The following KLHL29 variants were observed in gnomAD, a reference collection of about 807,000 sequenced individuals.
The protein encoded by KLHL29 is kelch-like protein 29.
A neutral mutation model predicts 80.4 loss-of-function variants in KLHL29; 21 were observed. The ratio of observed to expected loss-of-function variants is 0.26; its 90% confidence interval spans 0.19 to 0.38. The LOEUF is 0.38. Among genes scored for constraint, KLHL29 ranks in the 10% least tolerant of loss-of-function variants. The probability of loss-of-function intolerance (pLI) is 1.00; values close to 1 mark genes in which losing one functional copy is unlikely to be tolerated. For missense variants in KLHL29, 867 were observed against 1,223.9 expected, an observed-to-expected ratio of 0.71 and a Z score of 4.35; for synonymous variants, 511 against 526.8, an observed-to-expected ratio of 0.97 and a Z score of 0.41.
chr2:23,450,033 A>G (rs1663825035), intron 1 of KLHL29, among the ~76,000 whole-genome samples: 1 of 152,230 alleles, frequency 6.6e-6, no homozygotes, highest in African/African-American at 2.4e-5. Context: ...CTGCTTCTCA[A>G]CAAAGACAGT....
rs762670243 is a variant in KLHL29 at position 23,696,085 on chromosome 2, C to T, written c.1876C>T (p.Arg626Cys). 126 of 1,551,678 alleles carry T rather than the reference C, an allele frequency of 8.1e-5. No homozygotes were observed. Among genetic ancestry groups the T allele is most frequent in the Non-Finnish European group, 1.0e-4 (120 of 1,147,018 alleles). Residue 626 changes from arginine to cysteine, a missense_variant, in exon 10 of 14, where the codon CGC (arginine) becomes TGC (cysteine). Arg to Cys is a radical substitution (Grantham distance 180). This residue lies in a region of KLHL29 where 443 missense variants were observed against 767.0 expected (regional missense o/e 0.58). Transcript: ENST00000486442. This position sits in a 1 kb window ranked among gnomAD's most constrained non-coding sequence, Gnocchi z 5.5. Reference protein sequence around the residue: ...YPLASLPFYDREFFSVVSAGD... With the variant: ...YPLASLPFYDCEFFSVVSAGD... Reference sequence around the variant, plus strand: ...CTTGGCCTCGCTGCCCTTCTATGACCGCGAGTTCTTCAGTGTAGTGAGTGC... The same window carrying T: ...CTTGGCCTCGCTGCCCTTCTATGACTGCGAGTTCTTCAGTGTAGTGAGTGC...
chr2:23,561,975 C>G (rs1667457206), intron 2 of KLHL29, among the ~76,000 whole-genome samples, 177 bp from the exon 3 acceptor site: 1 of 152,128 alleles, frequency 6.6e-6, no homozygotes, highest in East Asian at 1.9e-4. Context: ...TTGTGTATTC[C>G]TTGTCTGTGA....
chr2:23,395,969 C>G (rs1666444047), intron 1 of KLHL29, among the ~76,000 whole-genome samples: 1 of 152,162 alleles, frequency 6.6e-6, no homozygotes, highest in Non-Finnish European at 1.5e-5. Context: ...TAAACAAAAA[C>G]CCAAAACCTG....
chr2:23,385,959 C>G (rs372231626), intron 1 of KLHL29, among the ~76,000 whole-genome samples, 179 bp downstream of exon 1: 1 of 151,998 alleles, frequency 6.6e-6, no homozygotes, highest in Admixed American at 6.5e-5. Flanking sequence ...GACTCGCAGG[C>G]TGCAGGAGCC....
At chr2:23,587,413 T>C (rs1179280642) in intron 3 of KLHL29, among the ~76,000 whole-genome samples, 1 of 152,096 alleles carries the variant, frequency 6.6e-6, no homozygotes, top group East Asian at 1.9e-4. Context: ...GATTTTGCCT[T>C]AGAGTCAGAG....
intron 1 of KLHL29, among the ~76,000 whole-genome samples, chr2:23,387,173 G>A (rs1276244442): frequency 1.3e-5 from 2 of 152,224 alleles, no homozygotes; most frequent in African/African-American, 4.8e-5. Flanking sequence ...CTCGGCGCTG[G>A]AGGGACCAGA....
chr2:23,547,116 C>G (rs574408578), intron 2 of KLHL29, among the ~76,000 whole-genome samples: 1 of 152,196 alleles, frequency 6.6e-6, no homozygotes, highest in African/African-American at 2.4e-5. Flanking sequence ...GGCACCGGGT[C>G]TCTGCACACG....
chr2:23,619,721 C>G (rs939341229), intron 3 of KLHL29, among the ~76,000 whole-genome samples: 1 of 152,082 alleles, frequency 6.6e-6, no homozygotes, highest in African/African-American at 2.4e-5. Context: ...GGAATTGCAC[C>G]AGGAAAAGAG....
At chr2:23,706,457 TC>T in intron 13 of KLHL29, 23 bp from the exon 14 acceptor site, 56 of 1,450,334 alleles carry the variant, frequency 3.9e-5, no homozygotes, top group Non-Finnish European at 5.1e-5. Context: ...AATGCCTAAC[TC>T]TGTCCCCGCT....
chr2:23,404,472 AAG>A, intron 1 of KLHL29, among the ~76,000 whole-genome samples: 1 of 152,374 alleles, frequency 6.6e-6, no homozygotes, highest in Non-Finnish European at 1.5e-5. Flanking sequence ...ATTTAAAAAA[AAG>A]AAATCCTTTA....
chr2:23,699,190 G>C (rs1472165677), intron 11 of KLHL29, among the ~76,000 whole-genome samples: 2 of 152,226 alleles, frequency 1.3e-5, no homozygotes, highest in South Asian at 2.1e-4. Context: ...TGGGAGGCCA[G>C]CTTCCTGGGC....
At chr2:23,482,856 CATTCATTCATT>C (rs1558354835) in intron 2 of KLHL29, among the ~76,000 whole-genome samples, 5 of 151,500 alleles carry the variant, frequency 3.3e-5, no homozygotes, top group Admixed American at 6.6e-5. Flanking sequence ...TTCATTCATT[CATTCATTCATT>C]CATCCATCAC....
rs1212404335 is a variant in KLHL29 at position 23,696,420 on chromosome 2, T to C, written c.2012T>C (p.Val671Ala). Residue 671 changes from valine (V) to alanine (A), a missense_variant, in exon 11 of 14, where the codon GTC becomes GCC. By Grantham distance (64) the Val-to-Ala change is moderately conservative. Transcript: ENST00000486442. The surrounding 1 kb of genome is among the most constrained non-coding windows in gnomAD (Gnocchi z 5.5). ...TGGAACCTCGTCTCCAGAATGACAG[T>C]CCCCCGCTGTCGGCACAATAGCCTC... Reference protein sequence around the residue: ...DNWNLVSRMTVPRCRHNSLVY... With the variant: ...DNWNLVSRMTAPRCRHNSLVY... 6.4e-6 allele frequency: 10 copies of C among 1,551,040 alleles called. No homozygotes were observed. The highest frequency in any genetic ancestry group is 7.8e-6 in the Non-Finnish European group (9 of 1,146,788).
At chr2:23,485,093 A>AC (rs1664896397) in intron 2 of KLHL29, among the ~76,000 whole-genome samples, 1 of 151,238 alleles carries the variant, frequency 6.6e-6, no homozygotes, top group Non-Finnish European at 1.5e-5. Flanking sequence ...GCTCATTCCC[A>AC]CCCCCAGTAC....
At chr2:23,629,773 T>G (rs1669421587) in intron 3 of KLHL29, among the ~76,000 whole-genome samples, 1 of 152,108 alleles carries the variant, frequency 6.6e-6, no homozygotes, top group South Asian at 2.1e-4. Flanking sequence ...GAAAGCTGGG[T>G]TCTATCAAAG....
intron 2 of KLHL29, among the ~76,000 whole-genome samples, chr2:23,520,709 A>T (rs1365203430): frequency 6.6e-6 from 1 of 152,218 alleles, no homozygotes; most frequent in East Asian, 1.9e-4. Flanking sequence ...TTCACAGTGG[A>T]TGAAAGTTTT....
chr2:23,693,350 C>T lies in KLHL29; in HGVS notation c.1364C>T (p.Ala455Val). ...AMQCSELYHM[A>V]KAFALQIFPE... ...CAGTGCAGCGAGCTCTACCACATGG[C>T]CAAGGCCTTCGCGCTGCAGATCTTC... The change falls in exon 8 of 14, where the codon GCC becomes GTC. Residue 455 changes from alanine to valine, a missense_variant. Ala to Val is a moderately conservative substitution (Grantham distance 64, BLOSUM62 0). This residue lies in a region of KLHL29 where 443 missense variants were observed against 767.0 expected (regional missense o/e 0.58). Coordinates refer to ENST00000486442, the MANE Select transcript of KLHL29 (RefSeq NM_052920.2). 6.4e-7 allele frequency: 1 copy of T among 1,551,632 alleles called. No individual in the cohort carries two copies. Among genetic ancestry groups the T allele is most frequent in the Non-Finnish European group, 8.7e-7 (1 of 1,146,992 alleles).
rs139448556 is a variant in KLHL29 at position 23,533,151 on chromosome 2, G to A, written c.-45-29001G>A. On this transcript the variant is annotated intron_variant, in intron 2 of 13. Transcript: ENST00000486442. ...TTTGGAGATATTGGGGGAGGAAAAG[G>A]TGTACACATACGGCAGGCCTGGGGG... Among the ~76,000 whole-genome samples, 249 of 152,208 alleles carry A rather than the reference G, an allele frequency of 1.6e-3. 2 individuals carry two copies. Among genetic ancestry groups the A allele is most frequent in the African/African-American group, 5.8e-3 (240 of 41,534 alleles).
At chr2:23,509,492 C>T (rs945673894) in intron 2 of KLHL29, among the ~76,000 whole-genome samples, 5 of 151,978 alleles carry the variant, frequency 3.3e-5, no homozygotes, top group African/African-American at 7.3e-5. Context: ...TATCGCCACT[C>T]CCTCCTCTTT....
Sources: allele counts gnomAD v4.1 joint callset (sites outside exome capture counted in the v4.1 genomes callset), GRCh38; gene constraint gnomAD v4.1.1; regional missense constraint gnomAD v4.1.1; non-coding constraint Gnocchi (gnomAD v3.1); transcripts MANE v1.5; gene names NCBI Gene and HGNC (gene_info 2026-07-23, HGNC 2026-07-21).